Variants in MAPK8IP1 observed in about 807,000 individuals in gnomAD.
MAPK8IP1 encodes the protein mitogen-activated protein kinase 8 interacting protein 1.
Under a neutral mutation model 72.6 loss-of-function variants are expected in MAPK8IP1, and 17 were observed. The ratio of observed to expected loss-of-function variants is 0.23; its 90% CI spans 0.16 to 0.35. MAPK8IP1 has a LOEUF of 0.35. Among genes scored for constraint, MAPK8IP1 ranks in the 10% least tolerant of loss-of-function variants. MAPK8IP1 has a pLI of 1.00. For missense variants in MAPK8IP1, 789 were observed against 1,009.7 expected (o/e 0.78, Z 2.96); for synonymous variants, 401 against 443.4 (o/e 0.90, Z 1.20).
At chr11:45,894,079 G>T (rs1388819355) in intron 1 of MAPK8IP1, among the ~76,000 whole-genome samples, 1 of 151,496 alleles carries the variant, frequency 6.6e-6, no homozygotes, top group Non-Finnish European at 1.5e-5. Context: ...GCCCTCTGAG[G>T]TGGGTGGGCA....
Position 45,903,301 on chromosome 11 carries a change from C to T in MAPK8IP1, c.1418-64C>T. The stretch of plus-strand genomic sequence containing the variant: ...CATCTGGTTAGGACTGAGGCTTCTA[C>T]CTGCCCCGCTAAACCTGGATCAGAG... On this transcript the variant is annotated intron_variant, in intron 5 of 11. Transcript: ENST00000241014. The surrounding 1 kb of genome is among the most constrained non-coding windows in gnomAD (Gnocchi z 6.4). The T allele has an allele frequency of 1.3e-6, 2 of 1,591,842 alleles. No homozygotes were observed. Among genetic ancestry groups the T allele is most frequent in the East Asian group, 2.2e-5 (1 of 44,718 alleles).
chr11:45,902,264 C>T lies in MAPK8IP1; in HGVS notation c.605-108C>T. 1 of 1,093,626 alleles carries T rather than the reference C, an allele frequency of 9.1e-7. No individual in the cohort carries two copies. The highest frequency in any genetic ancestry group is 1.4e-6 in the Non-Finnish European group (1 of 729,026). 67.7% of individuals were successfully genotyped at this position (1,093,626 alleles called of 1,614,324 possible). ...CCAGAGCCTGCGAAGGGCCTGTTGCCCAGGGAGGCTTTGTCTTGGTTTCTG... is the reference window on the plus strand; with the variant it reads ...CCAGAGCCTGCGAAGGGCCTGTTGCTCAGGGAGGCTTTGTCTTGGTTTCTG... On this transcript the variant is annotated intron_variant, in intron 4 of 11. Coordinates refer to ENST00000241014, the MANE Select transcript of MAPK8IP1 (RefSeq NM_005456.4). This position sits in a 1 kb window ranked among gnomAD's most constrained non-coding sequence, Gnocchi z 9.3.
At position 45,905,346 on chromosome 11, in the gene MAPK8IP1, C is replaced by T. The variant is rs547439154; in HGVS notation, c.2063+97C>T. 41 of 1,163,510 alleles carry T rather than the reference C, an allele frequency of 3.5e-5. No individual in the cohort carries two copies. The African/African-American group carries it at 4.6e-4, about 13-fold the overall frequency. 72.1% of individuals were successfully genotyped at this position (1,163,510 alleles called of 1,614,324 possible). A position where few individuals can be genotyped will look rare whatever the true frequency, so the allele number is the denominator to read the frequency against. Reference sequence around the variant, plus strand: ...GGCGCTCAGCTTTGCCCCTCGGTTTCCCCCGCAGCTCTGGAGAACTATCTC... The same window carrying T: ...GGCGCTCAGCTTTGCCCCTCGGTTTTCCCCGCAGCTCTGGAGAACTATCTC... On this transcript the variant is annotated intron_variant, in intron 11 of 11. Coordinates refer to ENST00000241014, the MANE Select transcript of MAPK8IP1 (RefSeq NM_005456.4).
Position 45,902,196 on chromosome 11 carries a change from C to G in MAPK8IP1, c.604+135C>G. On this transcript the variant is annotated intron_variant, in intron 4 of 11. Transcript: ENST00000241014. The surrounding 1 kb of genome is among the most constrained non-coding windows in gnomAD (Gnocchi z 9.3). ...CACCCACATCCCTGCACGAGCCCAT[C>G]CAGGGGCTGAGATCAGTGGTGGCAT... 1 of 1,009,150 alleles carries G rather than the reference C, an allele frequency of 9.9e-7. No homozygotes were observed. Among genetic ancestry groups the G allele is most frequent in the Non-Finnish European group, 1.6e-6 (1 of 634,368 alleles). 62.5% of individuals were successfully genotyped at this position (1,009,150 alleles called of 1,614,324 possible).
In MAPK8IP1 at chr11:45,902,470, A is replaced by AGCCCTT; in HGVS notation, c.707_712dup (p.Pro236_Cys237dup). Reference sequence around the variant, plus strand: ...CACAGATCGAGGCACCTCCACCGACAGCCCTTGCCGCCGCAGCACAGCCAC... The same window carrying AGCCCTT: ...CACAGATCGAGGCACCTCCACCGACAGCCCTTGCCCTTGCCGCCGCAGCACAGCCAC... On this transcript the variant is annotated inframe_insertion, in exon 5 of 12. Transcript: ENST00000241014. This position sits in a 1 kb window ranked among gnomAD's most constrained non-coding sequence, Gnocchi z 9.3. 1 of 1,602,786 alleles carries AGCCCTT rather than the reference A, an allele frequency of 6.2e-7. No individual in the cohort carries two copies. The highest frequency in any genetic ancestry group is 8.5e-7 in the Non-Finnish European group (1 of 1,175,688).
At chr11:45,899,795 C>A (rs1045462998) in intron 2 of MAPK8IP1, among the ~76,000 whole-genome samples, 2 of 152,226 alleles carry the variant, frequency 1.3e-5, no homozygotes, top group Admixed American at 6.5e-5. Flanking sequence ...CCTTGGCGAC[C>A]ACTGAGTCCC....
At position 45,885,854 on chromosome 11, in the gene MAPK8IP1, G is replaced by T; in HGVS notation, c.34G>T (p.Gly12Trp). ...GCGAGAAAGCGGCGGCCTGGGAGGG[G>T]GGGCCGCGTCCCCGCCCGCCGCCTC... ...AERESGGLGG[G>W]AASPPAASPF... The change falls in exon 1 of 12, where the codon GGG (glycine) becomes TGG (tryptophan). Residue 12 changes from glycine to tryptophan, a missense_variant. Physicochemically the swap from Gly to Trp is radical, Grantham distance 184 (BLOSUM62 -2). Around this residue, in one of 4 missense-constraint regions of MAPK8IP1, gnomAD observed 112 missense variants for 111.8 expected, o/e 1.00. Coordinates refer to ENST00000241014, the MANE Select transcript of MAPK8IP1 (RefSeq NM_005456.4). 1.4e-6 allele frequency: 2 copies of T among 1,451,458 alleles called. No homozygotes were observed. Among genetic ancestry groups the T allele is most frequent in the Non-Finnish European group, 9.1e-7 (1 of 1,098,646 alleles). The allele number at this position is 1,451,458 out of a possible 1,614,324, so 89.9% of individuals were successfully genotyped here. A position where few individuals can be genotyped will look rare whatever the true frequency, so the allele number is the denominator to read the frequency against.
chr11:45,901,160 C>T (rs963139870), intron 3 of MAPK8IP1, among the ~76,000 whole-genome samples: 13 of 152,160 alleles, frequency 8.5e-5, no homozygotes, highest in Admixed American at 7.2e-4. Context: ...CGGGGAAAGG[C>T]TTGGTCCCTT....
At chr11:45,887,359 T>C (rs1254802526) in intron 1 of MAPK8IP1, among the ~76,000 whole-genome samples, 1 of 152,198 alleles carries the variant, frequency 6.6e-6, no homozygotes, top group Non-Finnish European at 1.5e-5. Flanking sequence ...GCCCCCACAC[T>C]AGCAGACAAC....
chr11:45,896,370 C>T (rs967804862), intron 1 of MAPK8IP1, among the ~76,000 whole-genome samples: 1 of 152,260 alleles, frequency 6.6e-6, no homozygotes, highest in Admixed American at 6.5e-5. Context: ...TGGGAAGCCC[C>T]CCTTCATCTC....
At chr11:45,887,514 C>G (rs1272864200) in intron 1 of MAPK8IP1, among the ~76,000 whole-genome samples, 2 of 152,170 alleles carry the variant, frequency 1.3e-5, no homozygotes, top group Non-Finnish European at 1.5e-5. Context: ...CTGGAGACTA[C>G]AAAAGAGTCA....
Position 45,902,873 on chromosome 11 carries a change from C to A in MAPK8IP1, c.1106C>A (p.Ser369Ter). ...CCACCTCCACGGGCCTCTCTGAGCT[C>A]GGACACCAGCGCCCTGTCCTATGAC... is the stretch of plus-strand genomic sequence containing the variant. ...PPPPPRASLS[S>*]DTSALSYDSV... Residue 369 changes from serine (S) to a stop codon, truncating the protein, a stop_gained, in exon 5 of 12, where the codon TCG (serine) becomes TAG (stop). Coordinates refer to ENST00000241014, the MANE Select transcript of MAPK8IP1 (RefSeq NM_005456.4). LOFTEE classifies it high-confidence loss of function. This position sits in a 1 kb window ranked among gnomAD's most constrained non-coding sequence, Gnocchi z 9.3. 1 of 1,596,218 alleles carries A rather than the reference C, an allele frequency of 6.3e-7. No homozygotes were observed.
At position 45,904,629 on chromosome 11, in the gene MAPK8IP1, T is replaced by C. The variant is rs1415109987; in HGVS notation, c.1776+65T>C. ...CCTGGGGCAGAGGGACGCAGGTGTC[T>C]AGAGGCAGTAAAGGGCTCAGGCCCT... On this transcript the variant is annotated intron_variant, in intron 8 of 11. Transcript: ENST00000241014. The surrounding 1 kb of genome is among the most constrained non-coding windows in gnomAD (Gnocchi z 6.4). 1.3e-6 allele frequency: 2 copies of C among 1,594,020 alleles called. No individual in the cohort carries two copies. The highest frequency in any genetic ancestry group is 2.7e-5 in the African/African-American group (2 of 74,470).
chr11:45,904,345 C>A lies in MAPK8IP1; in HGVS notation c.1667-110C>A. 8.5e-7 allele frequency: 1 copy of A among 1,181,394 alleles called. No homozygotes were observed. Among genetic ancestry groups the A allele is most frequent in the Non-Finnish European group, 1.2e-6 (1 of 807,144 alleles). 73.2% of individuals were successfully genotyped at this position (1,181,394 alleles called of 1,614,324 possible). On this transcript the variant is annotated intron_variant, in intron 7 of 11. Coordinates refer to ENST00000241014, the MANE Select transcript of MAPK8IP1 (RefSeq NM_005456.4). This position sits in a 1 kb window ranked among gnomAD's most constrained non-coding sequence, Gnocchi z 6.4. ...CAAGTTGGGCAGCCAGGGATTGTGG[C>A]AGCCTCTGTGGGCTCTGCCATTCCC...
In MAPK8IP1 at chr11:45,900,292, G is replaced by A. The variant is rs749040626; in HGVS notation, c.362G>A (p.Arg121Gln). 6 of 1,331,122 alleles carry A rather than the reference G, an allele frequency of 4.5e-6. No individual in the cohort carries two copies. In the South Asian group the frequency reaches 9.9e-5, roughly 22 times the overall value. 82.5% of individuals were successfully genotyped at this position (1,331,122 alleles called of 1,614,324 possible). A position where few individuals can be genotyped will look rare whatever the true frequency, so the allele number is the denominator to read the frequency against. Residue 121 changes from arginine to glutamine, a missense_variant, in exon 3 of 12, where the codon CGG (arginine) becomes CAG (glutamine). Arg to Gln is a conservative substitution (Grantham distance 43). This residue lies in a region of MAPK8IP1 where 112 missense variants were observed against 192.8 expected (regional missense o/e 0.58). Transcript: ENST00000241014. This position sits in a 1 kb window ranked among gnomAD's most constrained non-coding sequence, Gnocchi z 6.5. ...GACGACGAGGAGCGCGCGGCCCGGC[G>A]GCCGGGAGCGGGGCCGCCCAAGGCC... ...EDDDEERAAR[R>Q]PGAGPPKAES...
chr11:45,891,404 G>C (rs979693363), intron 1 of MAPK8IP1, among the ~76,000 whole-genome samples: 1 of 152,204 alleles, frequency 6.6e-6, no homozygotes, highest in African/African-American at 2.4e-5. Context: ...TGCTTGCAGT[G>C]CCTCTTTAAT....
At chr11:45,897,000 C>G (rs1565072453) in intron 1 of MAPK8IP1, 3 of 1,541,724 alleles carry the variant, frequency 1.9e-6, no homozygotes, top group Non-Finnish European at 1.8e-6. Flanking sequence ...GGGGTGAGCT[C>G]CATCGAGCTC....
chr11:45,900,497 A>G lies in MAPK8IP1; in HGVS notation c.522+45A>G. 6.6e-7 allele frequency: 1 copy of G among 1,525,990 alleles called. No individual in the cohort carries two copies. The highest frequency in any genetic ancestry group is 2.5e-5 in the East Asian group (1 of 40,270). 94.5% of individuals were successfully genotyped at this position (1,525,990 alleles called of 1,614,324 possible). ...GGCGGCGCCCTGGGCCGCCGCGGAG[A>G]TGTGAGGGGGAGCGCAGAGGGGCTG... On this transcript the variant is annotated intron_variant, in intron 3 of 11. Coordinates refer to ENST00000241014, the MANE Select transcript of MAPK8IP1 (RefSeq NM_005456.4). The surrounding 1 kb of genome is among the most constrained non-coding windows in gnomAD (Gnocchi z 6.5).
intron 1 of MAPK8IP1, among the ~76,000 whole-genome samples, chr11:45,890,195 A>C (rs768597229): frequency 4.6e-5 from 7 of 152,004 alleles, no homozygotes; most frequent in Non-Finnish European, 1.0e-4. Context: ...ATGTGCAGGA[A>C]CTTGTAGGCC....
Sources: allele counts gnomAD v4.1 joint callset (sites outside exome capture counted in the v4.1 genomes callset), GRCh38; gene constraint gnomAD v4.1.1; regional missense constraint gnomAD v4.1.1; non-coding constraint Gnocchi (gnomAD v3.1); transcripts MANE v1.5; gene names NCBI Gene and HGNC (gene_info 2026-07-23, HGNC 2026-07-21).